Variants in ZNF678 observed in about 807,000 individuals in gnomAD.
ZNF678 encodes hypothetical protein MGC42493.
Under a neutral mutation model 3.0 loss-of-function variants are expected in ZNF678, and 5 were observed. That is an observed-to-expected ratio of 1.69 (90% CI 0.88 to 3.56). The LOEUF is 3.56. Among genes scored for constraint, ZNF678 ranks in the 30% most tolerant of loss-of-function variants. The pLI is 0.00. For synonymous variants in ZNF678, 218 were observed against 199.6 expected, an observed-to-expected ratio of 1.09 and a Z score of -0.78; for missense variants, 593 against 605.0, an observed-to-expected ratio of 0.98 and a Z score of 0.21.
At chr1:227,625,058 G>A (rs1474360013) in intron 1 of ZNF678, among the ~76,000 whole-genome samples, 1 of 152,180 alleles carries the variant, frequency 6.6e-6, no homozygotes, top group African/African-American at 2.4e-5. Flanking sequence ...CCCAATCATT[G>A]TCCCTCCCCC....
chr1:227,576,083 G>A (rs770875760), intron 1 of ZNF678, among the ~76,000 whole-genome samples: 9 of 152,096 alleles, frequency 5.9e-5, no homozygotes, highest in East Asian at 1.9e-4. Flanking sequence ...CTTGCATCCC[G>A]GGGATAAAGC....
intron 5 of ZNF678, among the ~76,000 whole-genome samples, chr1:227,673,421 G>A (rs559631403): frequency 8.5e-4 from 130 of 152,168 alleles, no homozygotes; most frequent in Non-Finnish European, 1.3e-3. Context: ...ATGGTTTGAG[G>A]TTTGCAGAAA....
chr1:227,641,694 T>G (rs190464091), intron 1 of ZNF678, among the ~76,000 whole-genome samples: 4 of 152,242 alleles, frequency 2.6e-5, no homozygotes, highest in African/African-American at 9.6e-5. Flanking sequence ...TGCACAATTT[T>G]TAGATAGAAA....
chr1:227,570,228 T>C (rs1656802404), intron 1 of ZNF678, among the ~76,000 whole-genome samples: 1 of 152,244 alleles, frequency 6.6e-6, no homozygotes, highest in Admixed American at 6.5e-5. Flanking sequence ...CCCCAGGTTA[T>C]CTACAAACAG....
chr1:227,670,007 A>G (rs1659573838), intron 5 of ZNF678, among the ~76,000 whole-genome samples: 1 of 152,230 alleles, frequency 6.6e-6, no homozygotes, highest in Non-Finnish European at 1.5e-5. Flanking sequence ...CCATGGAATA[A>G]TATGAAGCTA....
intron 1 of ZNF678, among the ~76,000 whole-genome samples, chr1:227,642,115 T>C (rs1658836746): frequency 6.6e-6 from 1 of 152,230 alleles, no homozygotes. Context: ...CCAGGTTGAC[T>C]CTGCCTACAG....
chr1:227,643,868 T>C (rs868192326), intron 1 of ZNF678, among the ~76,000 whole-genome samples: 7 of 140,576 alleles, frequency 5.0e-5, no homozygotes, highest in Non-Finnish European at 6.2e-5. Context: ...CTTTTCTTTT[T>C]TTTTTTTTTT....
At chr1:227,604,332 A>G (rs748742313) in intron 1 of ZNF678, among the ~76,000 whole-genome samples, 18 of 152,314 alleles carry the variant, frequency 1.2e-4, no homozygotes, top group African/African-American at 3.1e-4. Context: ...ATCTCTGCCA[A>G]TGCTTACTTT....
chr1:227,670,107 A>G (rs1659574890), intron 5 of ZNF678, among the ~76,000 whole-genome samples: 1 of 152,226 alleles, frequency 6.6e-6, no homozygotes. Context: ...AGAAAACCAA[A>G]TACCACGTGT....
At chr1:227,590,444 C>G (rs150288963) in intron 1 of ZNF678, among the ~76,000 whole-genome samples, 2 of 151,756 alleles carry the variant, frequency 1.3e-5, no homozygotes, top group Non-Finnish European at 2.9e-5. Context: ...GTGATAATCT[C>G]CAAGACAGCA....
At position 227,646,737 on chromosome 1, in the gene ZNF678, A is replaced by G. The variant is rs1658969633; in HGVS notation, c.-37+67A>G. 5 of 1,293,244 alleles carry G rather than the reference A, an allele frequency of 3.9e-6. No individual in the cohort carries two copies. The Admixed American group carries it at 1.2e-4, about 31-fold the overall frequency. 80.1% of individuals were successfully genotyped at this position (1,293,244 alleles called of 1,614,324 possible). ...CGGATTCCATATTTTTCACTCCTGA[A>G]ATGTTACCTGAGAGTTTGTCATTTG... is the stretch of plus-strand genomic sequence containing the variant. On this transcript the variant is annotated intron_variant, in intron 2 of 3. Transcript: ENST00000343776.
chr1:227,599,872 C>T (rs984131215), intron 1 of ZNF678, among the ~76,000 whole-genome samples: 1 of 152,170 alleles, frequency 6.6e-6, no homozygotes. Context: ...TAGGTAAACT[C>T]GTGTAATGGG....
chr1:227,568,695 C>T (rs1347139279), intron 1 of ZNF678, among the ~76,000 whole-genome samples: 1 of 152,160 alleles, frequency 6.6e-6, no homozygotes. Context: ...CCCAGAGTTA[C>T]AGGCAGTCAC....
chr1:227,588,688 T>C (rs1657328257), intron 1 of ZNF678, among the ~76,000 whole-genome samples: 1 of 151,974 alleles, frequency 6.6e-6, no homozygotes, highest in South Asian at 2.1e-4. Context: ...TATTTTTTAA[T>C]AGAGGCAAGG....
rs757139099 is a variant in ZNF678, at chr1:227,655,349, C to T, written c.1099C>T (p.His367Tyr). 3 of 1,612,486 alleles carry T rather than the reference C, an allele frequency of 1.9e-6. No individual in the cohort carries two copies. The highest frequency in any genetic ancestry group is 2.2e-5 in the South Asian group (2 of 90,980). ...TACTCAATTCTCAAACCTCACTCAGCATAAAAGAATTCATACTGGAGAGAA... is the reference window on the plus strand; with the variant it reads ...TACTCAATTCTCAAACCTCACTCAGTATAAAAGAATTCATACTGGAGAGAA... ...TFTQFSNLTQ[H>Y]KRIHTGEKPY... The change falls in exon 4 of 4, where the codon CAT (histidine) becomes TAT (tyrosine). Residue 367 changes from histidine (H) to tyrosine (Y), a missense_variant. Physicochemically the swap from His to Tyr is moderately conservative, Grantham distance 83. Coordinates refer to ENST00000343776, the MANE Select transcript of ZNF678 (RefSeq NM_001367909.1).
In ZNF678 at chr1:227,655,945, C is replaced by T; in HGVS notation, c.*117C>T. On this transcript the variant is annotated 3_prime_UTR_variant, in exon 4 of 4. Transcript: ENST00000343776. Reference sequence around the variant, plus strand: ...AAGCTTCAGAGTGCACAACACTATACTGAATGAAATTTATAAATATAAAAG... The same window carrying T: ...AAGCTTCAGAGTGCACAACACTATATTGAATGAAATTTATAAATATAAAAG... 1.4e-6 allele frequency: 1 copy of T among 727,044 alleles called. No homozygotes were observed. Among genetic ancestry groups the T allele is most frequent in the Non-Finnish European group, 2.1e-6 (1 of 478,962 alleles). The allele number at this position is 727,044 out of a possible 1,614,324, so 45.0% of individuals were successfully genotyped here. A position where few individuals can be genotyped will look rare whatever the true frequency, so the allele number is the denominator to read the frequency against.
At chr1:227,567,581 A>G (rs182855234) in intron 1 of ZNF678, among the ~76,000 whole-genome samples, 9 of 152,280 alleles carry the variant, frequency 5.9e-5, no homozygotes, top group Admixed American at 6.5e-5. Flanking sequence ...GGGTTGGAAG[A>G]CGGGTTCAGA....
In ZNF678 at chr1:227,619,904, C is replaced by A. The variant is rs796390518; in HGVS notation, c.-163-26640C>A. Among the ~76,000 whole-genome samples, 8 of 152,294 alleles carry A rather than the reference C, an allele frequency of 5.3e-5. 1 individual carries two copies. The highest frequency in any genetic ancestry group is 1.9e-4 in the African/African-American group (8 of 41,542). On this transcript the variant is annotated intron_variant, in intron 1 of 3. Transcript: ENST00000343776. ...ACACTACGCATAAATAAGCTAAAAT[C>A]TTAGACAACCAGTTGGTGTTGGAGA...
At chr1:227,674,128 A>G (rs1232216339) in intron 5 of ZNF678, among the ~76,000 whole-genome samples, 1 of 152,204 alleles carries the variant, frequency 6.6e-6, no homozygotes, top group Non-Finnish European at 1.5e-5. Context: ...AGCAAGAGGA[A>G]GTTTCAGGGA....
Sources: gnomAD v4.1 joint callset for allele counts (sites outside exome capture counted in the v4.1 genomes callset) on GRCh38, gnomAD v4.1.1 for gene constraint, MANE v1.5 for transcripts, NCBI Gene and HGNC (gene_info 2026-07-23, HGNC 2026-07-21) for gene names.